The following MECOM variants were observed in gnomAD, a reference collection of about 807,000 sequenced individuals.
MECOM encodes histone-lysine N-methyltransferase MECOM.
Under a neutral mutation model 116.3 loss-of-function variants are expected in MECOM, and 13 were observed. The observed-to-expected ratio is 0.11, with a 90% CI of 0.07 to 0.18. The LOEUF (loss-of-function observed/expected upper bound fraction) is 0.18. Ranked by LOEUF, MECOM falls within the 10% of genes least tolerant of loss-of-function variation. The pLI, the probability that MECOM is intolerant of heterozygous loss-of-function variation, is 1.00. For synonymous variants in MECOM, 528 were observed against 535.2 expected (o/e 0.99, Z 0.19); for missense variants, 1,299 against 1,509.0 (o/e 0.86, Z 2.31).
At chr3:169,601,785 CTGAT>C (rs1280092206) in intron 1 of MECOM, among the ~76,000 whole-genome samples, 3 of 152,186 alleles carry the variant, frequency 2.0e-5, no homozygotes, top group Admixed American at 6.5e-5. Flanking sequence ...ACAAGTAACA[CTGAT>C]TAAAACTGCA....
chr3:169,407,985 T>G (rs1736963944), intron 1 of MECOM, among the ~76,000 whole-genome samples: 1 of 152,176 alleles, frequency 6.6e-6, no homozygotes, highest in African/African-American at 2.4e-5. Flanking sequence ...GATTTAGAGA[T>G]CTGCACCAAC....
intron 1 of MECOM, among the ~76,000 whole-genome samples, chr3:169,438,615 C>T (rs545500819): frequency 6.6e-6 from 1 of 152,086 alleles, no homozygotes; most frequent in Non-Finnish European, 1.5e-5. Flanking sequence ...ATGCTCTGGC[C>T]GGGCAGTCTC....
intron 2 of MECOM, among the ~76,000 whole-genome samples, chr3:169,366,738 C>T (rs1396161716): frequency 6.6e-6 from 1 of 152,034 alleles, no homozygotes; most frequent in Admixed American, 6.6e-5. Context: ...CCTGTGGCTG[C>T]CAACCAGTGA....
At chr3:169,442,517 C>G (rs1024993076) in intron 1 of MECOM, among the ~76,000 whole-genome samples, 2 of 152,132 alleles carry the variant, frequency 1.3e-5, no homozygotes, top group Non-Finnish European at 1.5e-5. Context: ...GTAAGTATCC[C>G]AATTAGGTGG....
chr3:169,324,402 G>C (rs1276183675), intron 2 of MECOM, among the ~76,000 whole-genome samples: 1 of 152,226 alleles, frequency 6.6e-6, no homozygotes, highest in East Asian at 1.9e-4. Flanking sequence ...TTCATGGCTG[G>C]AGGATTTCAA....
chr3:169,269,369 A>G (rs1294621018), intron 2 of MECOM: 1 of 152,166 alleles, frequency 6.6e-6, no homozygotes, highest in Non-Finnish European at 1.5e-5. Flanking sequence ...AAAAGAAAAA[A>G]AAAAAATCAG....
chr3:169,089,269 C>T lies in MECOM; in HGVS notation c.3402-86G>A, dbSNP rs904116227. ...CTTTCATTTGAATCTATCTATACAA[C>T]TGACAAACTTCATATTGTATCTGCA... On this transcript the variant is annotated intron_variant, in intron 15 of 16. Coordinates refer to ENST00000651503, the MANE Select transcript of MECOM (RefSeq NM_004991.4). 1.8e-5 allele frequency: 18 copies of T among 983,266 alleles called. No homozygotes were observed. The East Asian group carries it at 5.1e-4, about 28-fold the overall frequency. 60.9% of individuals were successfully genotyped at this position (983,266 alleles called of 1,614,324 possible).
chr3:169,386,141 T>C (rs1238061281), intron 1 of MECOM, among the ~76,000 whole-genome samples: 1 of 152,236 alleles, frequency 6.6e-6, no homozygotes, highest in Non-Finnish European at 1.5e-5. Flanking sequence ...TTTATTTATA[T>C]GTGTCTTTGA....
intron 1 of MECOM, among the ~76,000 whole-genome samples, chr3:169,565,164 T>C (rs1763083097): frequency 6.6e-6 from 1 of 152,202 alleles, no homozygotes. Flanking sequence ...GTCCAGGGTC[T>C]GAACTCCACG....
chr3:169,338,585 T>C (rs1723962718), intron 2 of MECOM, among the ~76,000 whole-genome samples: 1 of 145,158 alleles, frequency 6.9e-6, no homozygotes, highest in African/African-American at 2.6e-5. Context: ...ATTTAGGAAA[T>C]GTATTTATGT....
rs1231563515 is a variant in MECOM, at chr3:169,146,462, G to A, written c.376-2630C>T. The A allele has an allele frequency of 2.9e-6, 4 of 1,385,672 alleles. No homozygotes were observed. The South Asian group carries it at 3.4e-5, about 12-fold the overall frequency. The allele number at this position is 1,385,672 out of a possible 1,614,324, so 85.8% of individuals were successfully genotyped here. A position where few individuals can be genotyped will look rare whatever the true frequency, so the allele number is the denominator to read the frequency against. ...CGCAAGGAAAAGAGGCCGACAAGCC[G>A]GCAGAGAAACCCACCGAAGGCCGGA... On this transcript the variant is annotated intron_variant, in intron 2 of 16. Coordinates refer to ENST00000651503, the MANE Select transcript of MECOM (RefSeq NM_004991.4).
chr3:169,127,697 A>G, intron 5 of MECOM, 147 bp downstream of exon 5: 1 of 641,694 alleles, frequency 1.6e-6, no homozygotes, highest in Non-Finnish European at 2.7e-6. Flanking sequence ...GAGAATATCC[A>G]GGCAAATATG....
At chr3:169,487,796 G>A (rs1752582859) in intron 1 of MECOM, among the ~76,000 whole-genome samples, 1 of 149,906 alleles carries the variant, frequency 6.7e-6, no homozygotes, top group Non-Finnish European at 1.5e-5. Flanking sequence ...GGGGGCGGGA[G>A]GGTCGGGGTG....
At chr3:169,385,403 C>T (rs1733158258) in intron 1 of MECOM, among the ~76,000 whole-genome samples, 1 of 152,000 alleles carries the variant, frequency 6.6e-6, no homozygotes, top group Admixed American at 6.6e-5. Context: ...CGGACCTATT[C>T]ATCCATATGC....
intron 9 of MECOM, among the ~76,000 whole-genome samples, chr3:169,109,867 A>G (rs1282685253): frequency 6.6e-6 from 1 of 152,234 alleles, no homozygotes; most frequent in Non-Finnish European, 1.5e-5. Context: ...GGGAAGGAAT[A>G]TGCTGGGAAC....
chr3:169,365,043 A>G (rs955774890), intron 2 of MECOM, among the ~76,000 whole-genome samples: 75 of 151,972 alleles, frequency 4.9e-4, no homozygotes, highest in Admixed American at 1.5e-3. Context: ...AGTATCATCC[A>G]TTGGGCAAGA....
At chr3:169,424,460 T>A (rs1031502884) in intron 1 of MECOM, among the ~76,000 whole-genome samples, 3 of 152,110 alleles carry the variant, frequency 2.0e-5, no homozygotes, top group Non-Finnish European at 4.4e-5. Context: ...CATCTCCAGT[T>A]AGTCTAAAAA....
At chr3:169,277,983 G>GTGC (rs1481377278) in intron 2 of MECOM, among the ~76,000 whole-genome samples, 1 of 152,174 alleles carries the variant, frequency 6.6e-6, no homozygotes, top group Non-Finnish European at 1.5e-5. Context: ...AGTTTCTAAA[G>GTGC]TGGACCAACT....
At chr3:169,511,084 A>T (rs1190901114) in intron 1 of MECOM, among the ~76,000 whole-genome samples, 1 of 152,210 alleles carries the variant, frequency 6.6e-6, no homozygotes, top group Non-Finnish European at 1.5e-5. Flanking sequence ...ATTATTTTCA[A>T]ATGTTTTTAT....
Sources: gnomAD v4.1 joint callset for allele counts (sites outside exome capture counted in the v4.1 genomes callset) on GRCh38, gnomAD v4.1.1 for gene constraint, MANE v1.5 for transcripts, NCBI Gene and HGNC (gene_info 2026-07-23, HGNC 2026-07-21) for gene names.